Variants in PRRX1 observed in about 807,000 individuals in gnomAD.
PRRX1 encodes the protein paired mesoderm homeobox protein 1.
In PRRX1, 8 loss-of-function variants were observed where a neutral mutation model predicts 24.0. The observed-to-expected ratio is 0.33, with a 90% CI of 0.20 to 0.60. The LOEUF is 0.60. PRRX1 is among the 20% of genes least tolerant of loss of function. The probability of loss-of-function intolerance (pLI) is 0.82; values close to 1 mark genes in which losing one functional copy is unlikely to be tolerated. For synonymous variants in PRRX1, 160 were observed against 131.7 expected (o/e 1.22, Z -1.47); for missense variants, 281 against 322.4 (o/e 0.87, Z 0.98).
At chr1:170,698,310 T>C (rs1310139258) in intron 1 of PRRX1, among the ~76,000 whole-genome samples, 1 of 152,218 alleles carries the variant, frequency 6.6e-6, no homozygotes, top group African/African-American at 2.4e-5. Context: ...TACTTATATA[T>C]GTTTCTTGAA....
At chr1:170,663,973 A>C, upstream of PRRX1, 1 of 515,972 alleles carries the variant, frequency 1.9e-6, no homozygotes, top group Non-Finnish European at 3.4e-6. Context: ...CAGGAAATCA[A>C]CCAATGCTGC....
intron 1 of PRRX1, among the ~76,000 whole-genome samples, chr1:170,712,964 A>C (rs988768963): frequency 6.6e-6 from 1 of 152,208 alleles, no homozygotes; most frequent in Admixed American, 6.5e-5. Flanking sequence ...CATCCATAGA[A>C]AAATTGGAGG....
intron 3 of PRRX1, 28 bp from the exon 4 acceptor site, chr1:170,736,020 C>A: frequency 6.2e-7 from 1 of 1,613,646 alleles, no homozygotes; most frequent in South Asian, 1.1e-5. Flanking sequence ...GCCTGTTATT[C>A]TCCCTGCTCT....
rs1240850568 is a variant in PRRX1, at chr1:170,681,200, T to C, written c.241+16741T>C. Among the ~76,000 whole-genome samples, 3 of 152,298 alleles carry C rather than the reference T, an allele frequency of 2.0e-5. No homozygotes were observed. In the East Asian group the frequency reaches 5.8e-4, roughly 29 times the overall value. On this transcript the variant is annotated intron_variant, in intron 1 of 3. Transcript: ENST00000239461. ...TCACAATAGTGCTGAGTGATAGATA[T>C]TGCCACCCCCACCTTACCAATAGGG... is the stretch of plus-strand genomic sequence containing the variant.
At chr1:170,678,984 A>G (rs1436871322) in intron 1 of PRRX1, among the ~76,000 whole-genome samples, 1 of 152,192 alleles carries the variant, frequency 6.6e-6, no homozygotes, top group Non-Finnish European at 1.5e-5. Context: ...GATGATTTTT[A>G]TATCCCACAA....
chr1:170,678,275 A>C (rs1004363538), intron 1 of PRRX1, among the ~76,000 whole-genome samples: 1 of 152,242 alleles, frequency 6.6e-6, no homozygotes, highest in Non-Finnish European at 1.5e-5. Context: ...TATATCATGA[A>C]ACATCCAGGA....
intron 1 of PRRX1, among the ~76,000 whole-genome samples, chr1:170,716,769 T>C (rs145884200): frequency 1.3e-4 from 20 of 152,258 alleles, no homozygotes; most frequent in African/African-American, 4.8e-4. Flanking sequence ...GATGACCCTC[T>C]TGGAATTAGT....
intron 1 of PRRX1, among the ~76,000 whole-genome samples, chr1:170,690,306 C>A (rs184668230): frequency 6.6e-6 from 1 of 152,056 alleles, no homozygotes; most frequent in African/African-American, 2.4e-5. Flanking sequence ...GAGTCAGGAT[C>A]AAGGCAGGAT....
chr1:170,674,528 A>G (rs1653247136), intron 1 of PRRX1, among the ~76,000 whole-genome samples: 1 of 152,194 alleles, frequency 6.6e-6, no homozygotes, highest in Non-Finnish European at 1.5e-5. Context: ...ATGGGAAATA[A>G]CAATCAGTGG....
chr1:170,715,031 T>A (rs1344045798), intron 1 of PRRX1, among the ~76,000 whole-genome samples: 1 of 152,162 alleles, frequency 6.6e-6, no homozygotes, highest in African/African-American at 2.4e-5. Flanking sequence ...CTGCAGCCGC[T>A]TTTCTAGTAA....
At chr1:170,663,668 T>G (rs938171813), upstream of PRRX1, 1 of 152,584 alleles carries the variant, frequency 6.6e-6, no homozygotes, top group Non-Finnish European at 1.5e-5. Context: ...GGAACAAGCC[T>G]TCTTCTGTTG....
At chr1:170,695,892 G>A (rs12070346) in intron 1 of PRRX1, among the ~76,000 whole-genome samples, 166 of 152,034 alleles carry the variant, frequency 1.1e-3, no homozygotes, top group African/African-American at 3.8e-3. Context: ...TTTATTGAAT[G>A]CATAGCACAT....
intron 1 of PRRX1, among the ~76,000 whole-genome samples, chr1:170,712,469 A>C (rs1654781555): frequency 6.6e-6 from 1 of 152,178 alleles, no homozygotes; most frequent in Non-Finnish European, 1.5e-5. Flanking sequence ...CTTTCTCTCC[A>C]GTTATTTTGT....
chr1:170,664,060 C>G, upstream of PRRX1: 2 of 686,398 alleles, frequency 2.9e-6, no homozygotes, highest in Non-Finnish European at 4.5e-6. Context: ...TTTTTTTTGG[C>G]CTTCCTCTCC....
chr1:170,733,236 T>C (rs930211390), intron 3 of PRRX1, among the ~76,000 whole-genome samples: 2 of 152,258 alleles, frequency 1.3e-5, no homozygotes, highest in East Asian at 3.9e-4. Flanking sequence ...GGTTATGCAA[T>C]AGACAACTTG....
intron 1 of PRRX1, among the ~76,000 whole-genome samples, chr1:170,699,892 C>T (rs558437985): frequency 7.9e-5 from 12 of 152,146 alleles, no homozygotes; most frequent in South Asian, 4.2e-4. Context: ...CCTGCCACCA[C>T]GCTCGGGTAA....
chr1:170,702,162 G>A (rs1328265043), intron 1 of PRRX1, among the ~76,000 whole-genome samples: 1 of 152,158 alleles, frequency 6.6e-6, no homozygotes, highest in Non-Finnish European at 1.5e-5. Context: ...TAATGCTACC[G>A]CTGATTTGAC....
chr1:170,723,345 A>G (rs945862967), intron 2 of PRRX1, among the ~76,000 whole-genome samples: 1 of 150,686 alleles, frequency 6.6e-6, no homozygotes, highest in African/African-American at 2.5e-5. Context: ...TTCTTCTCCC[A>G]TACCTTGTTA....
At chr1:170,666,417 CAAAAAAAAAAAA>C (rs35075394) in intron 1 of PRRX1, among the ~76,000 whole-genome samples, 4 of 75,946 alleles carry the variant, frequency 5.3e-5, no homozygotes, top group Non-Finnish European at 7.4e-5. Flanking sequence ...GACTCCGTCT[CAAAAAAAAAAAA>C]AAAAAAAAAA....
Sources: gnomAD v4.1 joint callset for allele counts (sites outside exome capture counted in the v4.1 genomes callset) on GRCh38, gnomAD v4.1.1 for gene constraint, MANE v1.5 for transcripts, NCBI Gene and HGNC (gene_info 2026-07-23, HGNC 2026-07-21) for gene names.